The following LRRC49 variants were observed in gnomAD, a reference collection of about 807,000 sequenced individuals.
The protein encoded by LRRC49 is leucine-rich repeat-containing protein 49.
In LRRC49, 50 loss-of-function variants were observed where a neutral mutation model predicts 83.3. The ratio of observed to expected loss-of-function variants is 0.60; its 90% CI spans 0.48 to 0.76. The LOEUF is 0.76. LRRC49 is among the 30% of genes least tolerant of loss of function. The probability of loss-of-function intolerance (pLI) is 0.00; values close to 1 mark genes in which losing one functional copy is unlikely to be tolerated. For synonymous variants in LRRC49, 286 were observed against 283.3 expected (o/e 1.01, Z -0.10); for missense variants, 704 against 809.1 (o/e 0.87, Z 1.58).
At chr15:70,987,855 C>G (rs1449081849) in intron 11 of LRRC49, among the ~76,000 whole-genome samples, 1 of 152,102 alleles carries the variant, frequency 6.6e-6, no homozygotes, top group Non-Finnish European at 1.5e-5. Flanking sequence ...TCGTTGGTTT[C>G]AAAGAACATC....
intron 8 of LRRC49, among the ~76,000 whole-genome samples, chr15:70,952,813 C>T (rs917339751): frequency 2.6e-5 from 4 of 152,096 alleles, no homozygotes; most frequent in African/African-American, 9.7e-5. Flanking sequence ...GGGTGCTCCA[C>T]TGTTGGGTTG....
At chr15:70,968,793 T>C (rs949810716) in intron 9 of LRRC49, among the ~76,000 whole-genome samples, 7 of 152,234 alleles carry the variant, frequency 4.6e-5, no homozygotes, top group Admixed American at 4.6e-4. Flanking sequence ...TTGAGAAGTG[T>C]CTGTTCATAT....
upstream of LRRC49, chr15:70,892,037 A>G (rs1595986063): frequency 6.2e-7 from 1 of 1,613,376 alleles, no homozygotes; most frequent in East Asian, 2.2e-5. Flanking sequence ...CACCAGCCTC[A>G]GGCGCTGGGA....
intron 2 of LRRC49, among the ~76,000 whole-genome samples, chr15:70,876,656 C>T (rs1350595190): frequency 6.6e-6 from 1 of 152,206 alleles, no homozygotes; most frequent in Admixed American, 6.5e-5. Flanking sequence ...TCATTGTTTA[C>T]TCTTTCCTTG....
In LRRC49 at chr15:70,884,222, T is replaced by C. The variant is rs539550631; in HGVS notation, c.19-9362T>C. Among the ~76,000 whole-genome samples, 14 of 152,182 alleles carry C rather than the reference T, an allele frequency of 9.2e-5. No homozygotes were observed. In the South Asian group the frequency reaches 2.1e-3, roughly 23 times the overall value. ...GTAGGTGTCTTTGGTGGCTGTATCA[T>C]AGGCTATTGATACCCAAGTTAAAGA... On this transcript the variant is annotated intron_variant, in intron 2 of 16. Coordinates refer to the LRRC49 transcript ENST00000544974.
intron 7 of LRRC49, among the ~76,000 whole-genome samples, chr15:70,934,509 A>G (rs1405751257): frequency 2.0e-5 from 3 of 152,222 alleles, no homozygotes; most frequent in African/African-American, 4.8e-5. Flanking sequence ...TGATAACTCT[A>G]CTAGGCAATG....
rs2032943857 is a variant in LRRC49 at position 70,867,775 on chromosome 15, G to C, written c.-298-5133G>C. Among the ~76,000 whole-genome samples the C allele has an allele frequency of 2.6e-5, 4 of 152,158 alleles. No homozygotes were observed. In the South Asian group the frequency reaches 8.3e-4, roughly 32 times the overall value. On this transcript the variant is annotated intron_variant, in intron 1 of 16. Transcript: ENST00000544974. ...CGTGCTATATGAAGGGCACTGGAAA[G>C]ACTTTTGCTCCCCAATTTTCTCTAC...
At chr15:70,924,030 T>C (rs375543794) in intron 7 of LRRC49, among the ~76,000 whole-genome samples, 11 of 152,068 alleles carry the variant, frequency 7.2e-5, no homozygotes, top group African/African-American at 2.6e-4. Flanking sequence ...ATGTTCTTTA[T>C]AGCAAAAGAA....
intron 14 of LRRC49, among the ~76,000 whole-genome samples, chr15:71,025,963 G>A (rs1302995036): frequency 1.3e-5 from 2 of 152,058 alleles, no homozygotes; most frequent in Non-Finnish European, 2.9e-5. Context: ...TTAGATCATT[G>A]AGACAGAAAA....
intron 12 of LRRC49, chr15:71,009,508 G>A (rs141265612): frequency 4.0e-4 from 86 of 212,582 alleles, no homozygotes; most frequent in African/African-American, 1.9e-3. Flanking sequence ...ATTCCTGAAA[G>A]AATCTGCATT....
chr15:70,882,434 G>A, intron 2 of LRRC49: 6 of 1,560,626 alleles, frequency 3.8e-6, no homozygotes, highest in Non-Finnish European at 5.3e-6. Flanking sequence ...TAGCACATCA[G>A]AGCATTTGAT....
rs1014357368 is a variant in LRRC49, at chr15:70,895,267, A to C, written c.106-582A>C. ...CAGATAATTATTTTAGATCAGTTTT[A>C]GATCAAGTGAAAACCTTTCTTAGAA... On this transcript the variant is annotated intron_variant, in intron 2 of 15. Transcript: ENST00000260382. Among the ~76,000 whole-genome samples the C allele has an allele frequency of 8.5e-5, 13 of 152,282 alleles. No homozygotes were observed. The East Asian group carries it at 2.5e-3, about 29-fold the overall frequency.
intron 1 of LRRC49, among the ~76,000 whole-genome samples, chr15:70,857,275 G>A (rs1267753341): frequency 6.6e-6 from 1 of 152,154 alleles, no homozygotes; most frequent in Non-Finnish European, 1.5e-5. Flanking sequence ...ATATTTTTGA[G>A]TGTGCCTGGC....
chr15:70,898,098 A>C (rs77717427), intron 3 of LRRC49, among the ~76,000 whole-genome samples: 3,978 of 152,216 alleles, frequency 0.026, 177 homozygotes, highest in African/African-American at 0.091. Flanking sequence ...CTGTCTGTCC[A>C]TCCACCCATC....
chr15:70,867,408 G>C (rs2032936458), intron 1 of LRRC49, among the ~76,000 whole-genome samples: 1 of 152,136 alleles, frequency 6.6e-6, no homozygotes, highest in African/African-American at 2.4e-5. Flanking sequence ...AGACACCAAA[G>C]TACTGTCCAA....
intron 11 of LRRC49, among the ~76,000 whole-genome samples, chr15:70,997,519 G>A (rs1002315614): frequency 6.6e-6 from 1 of 152,268 alleles, no homozygotes; most frequent in South Asian, 2.1e-4. Flanking sequence ...GGGAGGCTGA[G>A]GCGGGTGGAT....
chr15:70,972,326 G>C (rs2037036328), intron 9 of LRRC49, among the ~76,000 whole-genome samples: 1 of 152,144 alleles, frequency 6.6e-6, no homozygotes, highest in African/African-American at 2.4e-5. Context: ...CTCTCTTCTG[G>C]CTTGTAGGGT....
intron 7 of LRRC49, among the ~76,000 whole-genome samples, chr15:70,931,016 T>A (rs1419576968): frequency 6.6e-6 from 1 of 152,216 alleles, no homozygotes; most frequent in African/African-American, 2.4e-5. Context: ...CACTTTTGAT[T>A]TTCTCCAAGA....
chr15:70,872,883 CTTT>C (rs781035902), intron 1 of LRRC49: 426 of 165,702 alleles, frequency 2.6e-3, no homozygotes, highest in Middle Eastern at 5.5e-3. Context: ...CTTGACATAA[CTTT>C]TTTTTTTTTT....
Sources: gnomAD v4.1 joint callset for allele counts (sites outside exome capture counted in the v4.1 genomes callset) on GRCh38, gnomAD v4.1.1 for gene constraint, MANE v1.5 for transcripts, NCBI Gene and HGNC (gene_info 2026-07-23, HGNC 2026-07-21) for gene names.